SLC8A3: variants seen among roughly 807,000 people sequenced by gnomAD.
SLC8A3 encodes the protein sodium/calcium exchanger 3.
A neutral mutation model predicts 65.4 loss-of-function variants in SLC8A3; 37 were observed. The ratio of observed to expected loss-of-function variants is 0.57; its 90% CI spans 0.44 to 0.74. The LOEUF (loss-of-function observed/expected upper bound fraction) is 0.74. Ranked by LOEUF, SLC8A3 falls within the 30% of genes least tolerant of loss-of-function variation. The probability of loss-of-function intolerance (pLI) is 0.00; values close to 1 mark genes in which losing one functional copy is unlikely to be tolerated. For missense variants in SLC8A3, 1,112 were observed against 1,172.1 expected (o/e 0.95, Z 0.75); for synonymous variants, 461 against 444.5 (o/e 1.04, Z -0.47).
chr14:70,177,525 A>G lies in SLC8A3; in HGVS notation c.-62-9041T>C, dbSNP rs377244791. ...CTGGGGCCAGCTGCATGAACCAGCT[A>G]ACATTAGATCTAGGATTTAAAGAAT... On this transcript the variant is annotated intron_variant, in intron 1 of 6. Coordinates refer to ENST00000356921, the MANE Select transcript of SLC8A3 (RefSeq NM_182932.3). Among the ~76,000 whole-genome samples the G allele has an allele frequency of 3.3e-5, 5 of 152,336 alleles. No individual in the cohort carries two copies. The East Asian group carries it at 7.7e-4, about 24-fold the overall frequency.
chr14:70,094,949 C>G (rs1409628983), intron 2 of SLC8A3, among the ~76,000 whole-genome samples: 1 of 152,192 alleles, frequency 6.6e-6, no homozygotes, highest in African/African-American at 2.4e-5. Flanking sequence ...GTGGCTAAAG[C>G]ACAGGCCCTT....
chr14:70,128,963 T>C (rs188112271), intron 2 of SLC8A3, among the ~76,000 whole-genome samples: 14 of 152,336 alleles, frequency 9.2e-5, no homozygotes, highest in Admixed American at 5.2e-4. Context: ...ATAGCTGTTG[T>C]GGTGATAGCA....
chr14:70,166,295 C>A (rs1034940172), intron 2 of SLC8A3, among the ~76,000 whole-genome samples: 1 of 152,182 alleles, frequency 6.6e-6, no homozygotes, highest in Non-Finnish European at 1.5e-5. Flanking sequence ...GTTCTCTAGT[C>A]CTTCTTAGTC....
intron 2 of SLC8A3, among the ~76,000 whole-genome samples, chr14:70,143,364 G>C (rs997442058): frequency 1.3e-5 from 2 of 152,152 alleles, no homozygotes; most frequent in African/African-American, 4.8e-5. Flanking sequence ...AGGTCACTAA[G>C]TAGGCACTAA....
Position 70,167,253 on chromosome 14 carries a change from C to T in SLC8A3, c.1170G>A (p.Glu390=). The change falls in exon 2 of 7, where the codon GAG becomes GAA. Residue 390 remains glutamate, a synonymous_variant. Coordinates refer to ENST00000356921, the MANE Select transcript of SLC8A3 (RefSeq NM_182932.3). Reference sequence around the variant, plus strand: ...AGACCTTGGAAATAAAGTCCTCAGGCTCATCGGTGTGCACCTCGCTCATGC... The same window carrying T: ...AGACCTTGGAAATAAAGTCCTCAGGTTCATCGGTGTGCACCTCGCTCATGC... ...ASSMSEVHTD[E]PEDFISKVFF... is the part of the protein sequence containing the mutation. The T allele has an allele frequency of 4.3e-6, 7 of 1,614,190 alleles. No individual in the cohort carries two copies. Among genetic ancestry groups the T allele is most frequent in the Non-Finnish European group, 5.9e-6 (7 of 1,180,038 alleles).
Position 70,084,388 on chromosome 14 carries a change from C to T in SLC8A3, c.1785-23449G>A, listed in dbSNP as rs1197494558. On this transcript the variant is annotated intron_variant, in intron 2 of 6. Transcript: ENST00000356921. ...GTCTGCTGTTGTCAACCTTCTGGGGCTTGAGGATAGAAATCCTGTGAGCGG... is the reference window on the plus strand; with the variant it reads ...GTCTGCTGTTGTCAACCTTCTGGGGTTTGAGGATAGAAATCCTGTGAGCGG... Among the ~76,000 whole-genome samples the T allele has an allele frequency of 3.3e-5, 5 of 152,308 alleles. No homozygotes were observed. The South Asian group carries it at 1.0e-3, about 32-fold the overall frequency.
At chr14:70,149,962 A>G (rs1435506201) in intron 2 of SLC8A3, among the ~76,000 whole-genome samples, 2 of 152,174 alleles carry the variant, frequency 1.3e-5, no homozygotes, top group African/African-American at 4.8e-5. Flanking sequence ...CCAGATAATG[A>G]CATTTCCCTC....
At chr14:70,116,245 G>T (rs1004440400) in intron 2 of SLC8A3, among the ~76,000 whole-genome samples, 2 of 152,072 alleles carry the variant, frequency 1.3e-5, no homozygotes, top group African/African-American at 2.4e-5. Flanking sequence ...ACTAATAATT[G>T]TCTGAGAGGC....
chr14:70,083,713 T>C (rs150511310), intron 2 of SLC8A3, among the ~76,000 whole-genome samples: 47 of 152,332 alleles, frequency 3.1e-4, no homozygotes, highest in Non-Finnish European at 5.1e-4. Flanking sequence ...ACTTGACAGT[T>C]ACAGGAATTG....
intron 2 of SLC8A3, among the ~76,000 whole-genome samples, chr14:70,155,728 G>A (rs1170606459): frequency 6.6e-6 from 1 of 152,242 alleles, no homozygotes; most frequent in Non-Finnish European, 1.5e-5. Context: ...AACCAAAGCT[G>A]TGCCCATTCT....
At chr14:70,109,315 AT>A (rs1217428534) in intron 2 of SLC8A3, among the ~76,000 whole-genome samples, 2 of 148,580 alleles carry the variant, frequency 1.3e-5, no homozygotes, top group Non-Finnish European at 3.0e-5. Flanking sequence ...ATATATACAC[AT>A]TATATATATA....
At chr14:70,075,639 G>A (rs951789553) in intron 2 of SLC8A3, among the ~76,000 whole-genome samples, 2 of 152,054 alleles carry the variant, frequency 1.3e-5, no homozygotes, top group South Asian at 4.2e-4. Context: ...TTCTTACCTG[G>A]CCTCTTGCAA....
chr14:70,058,591 G>C (rs1888421396), intron 3 of SLC8A3, among the ~76,000 whole-genome samples: 1 of 152,210 alleles, frequency 6.6e-6, no homozygotes, highest in South Asian at 2.1e-4. Context: ...CTTGGGCAAA[G>C]AATCTGTGCA....
At chr14:70,085,411 T>C (rs1165840366) in intron 2 of SLC8A3, among the ~76,000 whole-genome samples, 10 of 152,336 alleles carry the variant, frequency 6.6e-5, no homozygotes, top group Admixed American at 2.0e-4. Context: ...AGGTGAAATA[T>C]TGACCTGATT....
At position 70,048,781 on chromosome 14, in the gene SLC8A3, C is replaced by A. The variant is rs1458549559; in HGVS notation, c.2375G>T (p.Gly792Val). Residue 792 changes from glycine to valine, a missense_variant, in exon 6 of 7, where the codon GGC becomes GTC. By Grantham distance (109) the Gly-to-Val change is moderately radical. Transcript: ENST00000356921. ...CTCACTCTCACCTGGGACAGAGGTG[C>A]CAAATGCCACGAAAACAACAGCTGT... The part of the protein sequence containing the change: ...SVTAVVFVAF[G>V]TSVPDTFASK... 6.2e-7 allele frequency: 1 copy of A among 1,613,748 alleles called. No individual in the cohort carries two copies. Among genetic ancestry groups the A allele is most frequent in the East Asian group, 2.2e-5 (1 of 44,892 alleles).
chr14:70,137,885 A>T (rs1327410270), intron 2 of SLC8A3, among the ~76,000 whole-genome samples: 4 of 151,338 alleles, frequency 2.6e-5, no homozygotes, highest in Admixed American at 6.6e-5. Context: ...TTAGGGGAGA[A>T]CGATGGATGA....
intron 2 of SLC8A3, 141 bp from the exon 3 acceptor site, chr14:70,061,080 T>C (rs886397061): frequency 2.7e-5 from 15 of 552,602 alleles, no homozygotes; most frequent in African/African-American, 5.7e-5. Flanking sequence ...AACAGGACCA[T>C]GGTGGATTGT....
intron 3 of SLC8A3, among the ~76,000 whole-genome samples, chr14:70,057,946 C>G (rs1049817710): frequency 6.6e-6 from 1 of 152,194 alleles, no homozygotes; most frequent in African/African-American, 2.4e-5. Context: ...AATGTCCAGG[C>G]CCAGGCCCAA....
At chr14:70,155,066 T>G (rs1417549314) in intron 2 of SLC8A3, among the ~76,000 whole-genome samples, 3 of 151,862 alleles carry the variant, frequency 2.0e-5, no homozygotes. Context: ...ACTACAGGTG[T>G]GCGCCACCAT....
Sources: gnomAD v4.1 joint callset for allele counts (sites outside exome capture counted in the v4.1 genomes callset) on GRCh38, gnomAD v4.1.1 for gene constraint, MANE v1.5 for transcripts, NCBI Gene and HGNC (gene_info 2026-07-23, HGNC 2026-07-21) for gene names.